CYP26B1: variants seen among roughly 807,000 people sequenced by gnomAD.
CYP26B1 encodes cytochrome P450 family 26 subfamily B member 1.
In CYP26B1, 8 loss-of-function variants were observed where a neutral mutation model predicts 39.1. The ratio of observed to expected loss-of-function variants is 0.20; its 90% CI spans 0.12 to 0.37. The LOEUF (loss-of-function observed/expected upper bound fraction) is 0.37. CYP26B1 is among the 10% of genes least tolerant of loss of function. The pLI, the probability that CYP26B1 is intolerant of heterozygous loss-of-function variation, is 1.00. For missense variants in CYP26B1, 615 were observed against 707.0 expected (o/e 0.87, Z 1.48); for synonymous variants, 321 against 314.3 (o/e 1.02, Z -0.23).
chr2:72,138,450 C>A (rs542601429), intron 2 of CYP26B1, among the ~76,000 whole-genome samples: 18 of 152,332 alleles, frequency 1.2e-4, no homozygotes, highest in Middle Eastern at 3.4e-3. Context: ...GGGAGCGGCT[C>A]CCTGTGAAGA....
At position 72,131,099 on chromosome 2, in the gene CYP26B1, G is replaced by C. The variant is rs889857314; in HGVS notation, c.*1128C>G. On this transcript the variant is annotated 3_prime_UTR_variant, in exon 6 of 6. Coordinates refer to ENST00000001146, the MANE Select transcript of CYP26B1 (RefSeq NM_019885.4). ...TTCCCCATACTCACGCCTGGAGTCA[G>C]GGCCAGTGCACTGGGGTGAACAGGG... The C allele has an allele frequency of 6.6e-6, 1 of 152,608 alleles. No homozygotes were observed. The highest frequency in any genetic ancestry group is 2.4e-5 in the African/African-American group (1 of 41,448). 9.5% of individuals were successfully genotyped at this position (152,608 alleles called of 1,614,324 possible).
At chr2:72,137,396 C>A (rs1301481370) in intron 2 of CYP26B1, among the ~76,000 whole-genome samples, 1 of 152,224 alleles carries the variant, frequency 6.6e-6, no homozygotes, top group Non-Finnish European at 1.5e-5. Flanking sequence ...TCCCTTCAAT[C>A]CACTGAGCAC....
intron 2 of CYP26B1, among the ~76,000 whole-genome samples, chr2:72,143,755 C>T (rs565373667): frequency 6.6e-6 from 1 of 152,358 alleles, no homozygotes; most frequent in Non-Finnish European, 1.5e-5. Context: ...CTCTTCCAAG[C>T]CACCGTTGGG....
At chr2:72,142,224 G>T (rs1384932106) in intron 2 of CYP26B1, among the ~76,000 whole-genome samples, 1 of 152,122 alleles carries the variant, frequency 6.6e-6, no homozygotes, top group Non-Finnish European at 1.5e-5. Context: ...ACACCGGGAG[G>T]CCCGAGGCCA....
chr2:72,143,893 G>A (rs1677033717), intron 2 of CYP26B1, 96 bp downstream of exon 2: 3 of 1,416,060 alleles, frequency 2.1e-6, no homozygotes, highest in African/African-American at 1.4e-5. Context: ...GCAAAGGGGG[G>A]CACAGATTCG....
chr2:72,135,470 G>C, intron 2 of CYP26B1, 51 bp from the exon 3 acceptor site: 2 of 1,598,512 alleles, frequency 1.3e-6, no homozygotes, highest in Non-Finnish European at 1.7e-6. Context: ...GCCCACCCCT[G>C]GCCAGCCCCT....
At chr2:72,141,670 G>A (rs900920614) in intron 2 of CYP26B1, among the ~76,000 whole-genome samples, 4 of 152,232 alleles carry the variant, frequency 2.6e-5, no homozygotes, top group African/African-American at 7.2e-5. Context: ...GAGTTCACCG[G>A]GCCTTGGGTT....
intron 2 of CYP26B1, among the ~76,000 whole-genome samples, chr2:72,138,438 C>T (rs72908315): frequency 0.097 from 14,832 of 152,248 alleles, 1,703 homozygotes; most frequent in African/African-American, 0.28. Context: ...GGGAAGGTGC[C>T]GGGGAGCGGC....
chr2:72,135,707 G>A (rs1019859425), intron 2 of CYP26B1, among the ~76,000 whole-genome samples: 1 of 152,180 alleles, frequency 6.6e-6, no homozygotes, highest in African/African-American at 2.4e-5. Context: ...GAGAAGTGGA[G>A]CACAGTCGTT....
At position 72,147,040 on chromosome 2, in the gene CYP26B1, T is replaced by C. The variant is rs1338031801; in HGVS notation, c.204+591A>G. ...AGCCTAGAGCCCTGGATTCTCATTT[T>C]TCCTTGGGTTACCTTCTTCCTCTTC... On this transcript the variant is annotated intron_variant, in intron 1 of 5. Coordinates refer to ENST00000001146, the MANE Select transcript of CYP26B1 (RefSeq NM_019885.4). This position sits in a 1 kb window ranked among gnomAD's most constrained non-coding sequence, Gnocchi z 6.1. Among the ~76,000 whole-genome samples, 1 of 152,246 alleles carries C rather than the reference T, an allele frequency of 6.6e-6. No homozygotes were observed. Among genetic ancestry groups the C allele is most frequent in the Non-Finnish European group, 1.5e-5 (1 of 68,040 alleles).
rs1440395659 is a variant in CYP26B1 at position 72,147,135 on chromosome 2, C to G, written c.204+496G>C. On this transcript the variant is annotated intron_variant, in intron 1 of 5. Coordinates refer to ENST00000001146, the MANE Select transcript of CYP26B1 (RefSeq NM_019885.4). The surrounding 1 kb of genome is among the most constrained non-coding windows in gnomAD (Gnocchi z 6.1). ...CTGTACCTGGCGCTGCCGACGGCGC[C>G]GCAGGAACACAGTTTTAAATCGGCA... is the stretch of plus-strand genomic sequence containing the variant. Among the ~76,000 whole-genome samples the G allele has an allele frequency of 2.6e-5, 4 of 152,130 alleles. No homozygotes were observed. Among genetic ancestry groups the G allele is most frequent in the African/African-American group, 9.7e-5 (4 of 41,432 alleles).
At chr2:72,135,010 C>A in intron 3 of CYP26B1, 94 bp from the exon 4 acceptor site, 4 of 1,600,578 alleles carry the variant, frequency 2.5e-6, no homozygotes, top group Non-Finnish European at 1.7e-6. Flanking sequence ...TCCTACCCCA[C>A]GCTGACACCT....
chr2:72,136,556 A>C (rs1372626314), intron 2 of CYP26B1, among the ~76,000 whole-genome samples: 1 of 152,146 alleles, frequency 6.6e-6, no homozygotes, highest in Non-Finnish European at 1.5e-5. Context: ...GGAAGGAGGG[A>C]GGGCAGGAGG....
chr2:72,133,889 G>A (rs866947526), intron 4 of CYP26B1, among the ~76,000 whole-genome samples: 67 of 152,294 alleles, frequency 4.4e-4, no homozygotes, highest in Middle Eastern at 6.8e-3. Flanking sequence ...TAAAGACCCC[G>A]CCAGGGCTTT....
At chr2:72,144,292 C>G in intron 1 of CYP26B1, 79 bp from the exon 2 acceptor site, 1 of 1,542,788 alleles carries the variant, frequency 6.5e-7, no homozygotes, top group Non-Finnish European at 8.8e-7. Flanking sequence ...GGACCCCAAC[C>G]CGGGGTACAG....
intron 2 of CYP26B1, among the ~76,000 whole-genome samples, chr2:72,136,933 CAG>C (rs1282134842): frequency 6.6e-6 from 1 of 152,176 alleles, no homozygotes; most frequent in East Asian, 1.9e-4. Context: ...ACTGGGTGGG[CAG>C]AGAGTAGCAC....
intron 5 of CYP26B1, 52 bp from the exon 6 acceptor site, chr2:72,132,671 CA>C (rs1245684335): frequency 1.1e-5 from 17 of 1,554,362 alleles, no homozygotes; most frequent in Non-Finnish European, 1.5e-5. Context: ...GAGGAGCCCA[CA>C]GAGGGCCCAG....
chr2:72,136,832 C>G (rs1331800376), intron 2 of CYP26B1, among the ~76,000 whole-genome samples: 1 of 152,214 alleles, frequency 6.6e-6, no homozygotes, highest in Admixed American at 6.5e-5. Context: ...AGCCCTTGGG[C>G]AAATGAAGGG....
At chr2:72,138,255 C>A (rs922150666) in intron 2 of CYP26B1, among the ~76,000 whole-genome samples, 2 of 152,132 alleles carry the variant, frequency 1.3e-5, no homozygotes, top group East Asian at 1.9e-4. Context: ...GGTCTGTGCC[C>A]GGGGGGTAAC....
Sources: gnomAD v4.1 joint callset for allele counts (sites outside exome capture counted in the v4.1 genomes callset) on GRCh38, gnomAD v4.1.1 for gene constraint, Gnocchi (gnomAD v3.1) non-coding constraint, MANE v1.5 for transcripts, NCBI Gene and HGNC (gene_info 2026-07-23, HGNC 2026-07-21) for gene names.